Variants in KLC2 observed in about 807,000 individuals in gnomAD.
The protein encoded by KLC2 is KLC 2.
Under a neutral mutation model 75.1 loss-of-function variants are expected in KLC2, and 35 were observed. The ratio of observed to expected loss-of-function variants is 0.47; its 90% CI spans 0.36 to 0.62. The LOEUF (loss-of-function observed/expected upper bound fraction) is 0.62, where lower values mean the gene tolerates loss of function less well. Among genes scored for constraint, KLC2 ranks in the 20% least tolerant of loss-of-function variants. The probability of loss-of-function intolerance (pLI) is 0.00; values close to 1 mark genes in which losing one functional copy is unlikely to be tolerated. For missense variants in KLC2, 611 were observed against 833.2 expected (o/e 0.73, Z 3.28); for synonymous variants, 314 against 336.7 (o/e 0.93, Z 0.74).
intron 9 of KLC2, chr11:66,264,664 G>A: frequency 5.1e-6 from 3 of 591,648 alleles, no homozygotes; most frequent in South Asian, 2.0e-5. Context: ...GGCCTCACAC[G>A]CCTTTGCATC....
upstream of KLC2, among the ~76,000 whole-genome samples, chr11:66,256,113 G>GA (rs35338010): frequency 6.6e-6 from 1 of 151,572 alleles, no homozygotes; most frequent in African/African-American, 2.4e-5. Flanking sequence ...CTGCTATCCG[G>GA]AAAAAAATCA....
chr11:66,266,549 G>A, intron 15 of KLC2, 59 bp downstream of exon 15: 3 of 1,504,200 alleles, frequency 2.0e-6, no homozygotes, highest in South Asian at 2.3e-5. Context: ...CATGCGTGCT[G>A]CCAAGCTTCC....
chr11:66,245,447 G>T, the KLC2 span, among the ~76,000 whole-genome samples: 1 of 152,314 alleles, frequency 6.6e-6, no homozygotes, highest in East Asian at 1.9e-4. Context: ...GCTGGGTGCG[G>T]TGGCTCACAC....
chr11:66,247,654 C>T, the KLC2 span, among the ~76,000 whole-genome samples: 13 of 151,936 alleles, frequency 8.6e-5, no homozygotes, highest in East Asian at 2.3e-3. Flanking sequence ...TCATATTTCC[C>T]ACTCCTTGGC....
chr11:66,258,551 G>T, intron 1 of KLC2, 33 bp from the exon 2 acceptor site: 1 of 1,507,626 alleles, frequency 6.6e-7, no homozygotes, highest in South Asian at 1.1e-5. Flanking sequence ...CCCCAGGCCC[G>T]GCGCCCGCCT....
chr11:66,244,104 C>T, the KLC2 span: 1 of 152,402 alleles, frequency 6.6e-6, no homozygotes, highest in East Asian at 1.9e-4. Context: ...GTGGCTTCCA[C>T]CCTTGTTAAT....
chr11:66,267,773 G>A lies in KLC2; in HGVS notation c.*817G>A. Reference sequence around the variant, plus strand: ...CGAGGGGCGGCGACGGTCCCCTGGTGGCAGGAGGGGCTCCCCCTGTTGCGG... The same window carrying A: ...CGAGGGGCGGCGACGGTCCCCTGGTAGCAGGAGGGGCTCCCCCTGTTGCGG... On this transcript the variant is annotated 3_prime_UTR_variant, in exon 16 of 16. Transcript: ENST00000394067. 1 of 459,006 alleles carries A rather than the reference G, an allele frequency of 2.2e-6. No homozygotes were observed. 28.4% of individuals were successfully genotyped at this position (459,006 alleles called of 1,614,324 possible). A position where few individuals can be genotyped will look rare whatever the true frequency, so the allele number is the denominator to read the frequency against.
chr11:66,253,827 G>C (rs1350478273), upstream of KLC2, among the ~76,000 whole-genome samples: 1 of 152,256 alleles, frequency 6.6e-6, no homozygotes, highest in Non-Finnish European at 1.5e-5. Flanking sequence ...CAGCGCCTAA[G>C]GAGAATCCCA....
chr11:66,260,322 G>A (rs1856303405), intron 2 of KLC2, among the ~76,000 whole-genome samples: 1 of 151,122 alleles, frequency 6.6e-6, no homozygotes, highest in Non-Finnish European at 1.5e-5. Flanking sequence ...GGACCACTCA[G>A]GGGCCGCACA....
chr11:66,252,548 C>A (rs1056318850), upstream of KLC2, among the ~76,000 whole-genome samples: 1 of 152,216 alleles, frequency 6.6e-6, no homozygotes, highest in East Asian at 1.9e-4. Context: ...CAGGCGTGAG[C>A]CACCGTGCCC....
intron 2 of KLC2, 22 bp from the exon 3 acceptor site, chr11:66,261,720 C>T: frequency 6.4e-7 from 1 of 1,564,902 alleles, no homozygotes; most frequent in Non-Finnish European, 8.8e-7. Flanking sequence ...GCCTCCGACC[C>T]TTACCTGGGC....
At chr11:66,262,256 C>G (rs997584783) in intron 4 of KLC2, 64 bp downstream of exon 4, 10 of 1,303,120 alleles carry the variant, frequency 7.7e-6, no homozygotes, top group South Asian at 6.0e-5. Context: ...TCCTTGGGAC[C>G]GAGTGGCTGC....
upstream of KLC2, among the ~76,000 whole-genome samples, chr11:66,256,260 G>T (rs1228736344): frequency 6.6e-6 from 1 of 151,934 alleles, no homozygotes; most frequent in Non-Finnish European, 1.5e-5. Context: ...AAAGCCAGGT[G>T]TAGTGGCATG....
chr11:66,258,319 C>T, intron 1 of KLC2: 2 of 502,084 alleles, frequency 4.0e-6, no homozygotes, highest in Non-Finnish European at 7.2e-6. Flanking sequence ...CGGGGAAACC[C>T]GGACACTGAG....
Position 66,265,645 on chromosome 11 carries a change from C to T in KLC2, c.1335-10C>T, listed in dbSNP as rs1316904882. On this transcript the variant is annotated splice_polypyrimidine_tract_variant and intron_variant, in intron 11 of 15. Coordinates refer to ENST00000394067, the MANE Select transcript of KLC2 (RefSeq NM_001318734.2). ...GGGGAACATGGAGTTTGAGACTGTC[C>T]CATCCACAGCCCCACAGTCAACACC... 1 of 1,605,904 alleles carries T rather than the reference C, an allele frequency of 6.2e-7. No homozygotes were observed. Among genetic ancestry groups the T allele is most frequent in the African/African-American group, 1.3e-5 (1 of 74,756 alleles).
chr11:66,258,508 T>TAAA (rs1856168245), intron 1 of KLC2, 76 bp from the exon 2 acceptor site: 1 of 1,002,348 alleles, frequency 1.0e-6, no homozygotes, highest in Admixed American at 2.1e-5. Flanking sequence ...GGGGACCGCC[T>TAAA]GTTTACCTAA....
chr11:66,260,862 T>C (rs1048329842), intron 2 of KLC2: 3 of 152,132 alleles, frequency 2.0e-5, no homozygotes, highest in Non-Finnish European at 2.9e-5. Flanking sequence ...CCTGAAGTGC[T>C]AGGATTACAG....
In KLC2 at chr11:66,262,884, C is replaced by G. The variant is rs758804977; in HGVS notation, c.600C>G (p.Thr200=). The G allele has an allele frequency of 8.1e-6, 13 of 1,613,904 alleles. No homozygotes were observed. The highest frequency in any genetic ancestry group is 6.6e-5 in the South Asian group (6 of 91,074). Residue 200 remains threonine (T), a synonymous_variant, in exon 5 of 16, where the codon ACC becomes ACG. Coordinates refer to ENST00000394067, the MANE Select transcript of KLC2 (RefSeq NM_001318734.2). The part of the protein sequence containing the change: ...GGYEIPARLR[T]LHNLVIQYAS... ...ACGAGATCCCGGCCCGGCTCCGCAC[C>G]CTGCACAACCTGGTGATCCAATACG...
chr11:66,262,070 C>A (rs998016734), intron 3 of KLC2, 53 bp from the exon 4 acceptor site: 9 of 1,592,658 alleles, frequency 5.7e-6, no homozygotes, highest in Non-Finnish European at 7.7e-6. Flanking sequence ...CCCATGGACA[C>A]CCCGGCTGCC....
Sources: allele counts gnomAD v4.1 joint callset (sites outside exome capture counted in the v4.1 genomes callset), GRCh38; gene constraint gnomAD v4.1.1; transcripts MANE v1.5; gene names NCBI Gene and HGNC (gene_info 2026-07-23, HGNC 2026-07-21).